NCK2: variants seen among roughly 807,000 people sequenced by gnomAD.
The protein encoded by NCK2 is NCK adaptor protein 2, also known as cytoplasmic protein NCK2.
NCK2 carries 16 observed loss-of-function variants against 33.9 expected under a neutral mutation model. The ratio of observed to expected loss-of-function variants is 0.47; its 90% CI spans 0.32 to 0.72. NCK2 has a LOEUF of 0.72. Among genes scored for constraint, NCK2 ranks in the 30% least tolerant of loss-of-function variants. The probability of loss-of-function intolerance (pLI) is 0.03; values close to 1 mark genes in which losing one functional copy is unlikely to be tolerated. For synonymous variants in NCK2, 273 were observed against 239.9 expected (o/e 1.14, Z -1.27); for missense variants, 418 against 537.3 (o/e 0.78, Z 2.19).
At chr2:105,818,562 A>T in intron 2 of NCK2, among the ~76,000 whole-genome samples, 1 of 151,934 alleles carries the variant, frequency 6.6e-6, no homozygotes, top group East Asian at 1.9e-4. Context: ...AAGATTGTTA[A>T]ATCAAGTATG....
At chr2:105,842,860 TG>T (rs1676701463) in intron 2 of NCK2, among the ~76,000 whole-genome samples, 1 of 132,258 alleles carries the variant, frequency 7.6e-6, no homozygotes, top group African/African-American at 2.9e-5. Context: ...GTGGACGCTG[TG>T]AGAAATATGA....
chr2:105,832,472 C>T (rs1310799964), intron 2 of NCK2, among the ~76,000 whole-genome samples: 1 of 152,128 alleles, frequency 6.6e-6, no homozygotes. Flanking sequence ...GTCGTTAAGG[C>T]TCGTATTACC....
chr2:105,876,404 C>T (rs1307060496), intron 3 of NCK2, among the ~76,000 whole-genome samples: 1 of 152,260 alleles, frequency 6.6e-6, no homozygotes, highest in Admixed American at 6.5e-5. Context: ...GAAGGATCCA[C>T]CTGGCCTGCA....
chr2:105,849,219 A>G (rs1676965845), intron 2 of NCK2, among the ~76,000 whole-genome samples: 1 of 152,104 alleles, frequency 6.6e-6, no homozygotes, highest in South Asian at 2.1e-4. Flanking sequence ...TTTGTAGATA[A>G]CCCCATATCT....
chr2:105,763,183 A>AC, intron 1 of NCK2, among the ~76,000 whole-genome samples: 1 of 152,102 alleles, frequency 6.6e-6, no homozygotes, highest in East Asian at 1.9e-4. Context: ...GGGCGACAGA[A>AC]CGAGACTCTT....
chr2:105,840,698 A>T (rs1676609781), intron 2 of NCK2, among the ~76,000 whole-genome samples: 1 of 152,218 alleles, frequency 6.6e-6, no homozygotes, highest in East Asian at 1.9e-4. Context: ...CTCAGGTTCA[A>T]TTAATTTGCT....
Position 105,866,922 on chromosome 2 carries a change from A to C in NCK2, c.226+11633A>C, listed in dbSNP as rs141205831. On this transcript the variant is annotated intron_variant, in intron 3 of 4. Transcript: ENST00000233154. ...ATTCTGTGAGTCATGTAAAAGGAGA[A>C]GCTGATTCTTTATGGTGCATTTGTC... 2.1e-3 allele frequency among the ~76,000 whole-genome samples: 321 copies of C among 152,330 alleles called. 1 individual carries two copies. The highest frequency in any genetic ancestry group is 6.7e-3 in the African/African-American group (280 of 41,570).
At position 105,771,164 on chromosome 2, in the gene NCK2, C is replaced by T. The variant is rs545860601; in HGVS notation, c.-201+26026C>T. Among the ~76,000 whole-genome samples the T allele has an allele frequency of 9.5e-4, 144 of 152,102 alleles. 1 individual carries two copies. Among genetic ancestry groups the T allele is most frequent in the African/African-American group, 3.2e-3 (133 of 41,512 alleles). On this transcript the variant is annotated intron_variant, in intron 1 of 4. Coordinates refer to ENST00000233154, the MANE Select transcript of NCK2 (RefSeq NM_003581.5). ...CTCTCGATCTCCTGACCTCGTGATC[C>T]GCCTGCCTTGGCCTCCCAAAGTGCT... is the stretch of plus-strand genomic sequence containing the variant.
intron 1 of NCK2, among the ~76,000 whole-genome samples, chr2:105,753,851 G>T (rs1689526996): frequency 6.6e-6 from 1 of 152,202 alleles, no homozygotes; most frequent in African/African-American, 2.4e-5. Flanking sequence ...GAATTCCAAG[G>T]TGGCTTTGAA....
Position 105,860,590 on chromosome 2 carries a change from G to A in NCK2, c.226+5301G>A, listed in dbSNP as rs114246299. Among the ~76,000 whole-genome samples the A allele has an allele frequency of 5.6e-3, 846 of 152,186 alleles. 4 individuals are homozygous for A. The highest frequency in any genetic ancestry group is 8.9e-3 in the Non-Finnish European group (606 of 68,010). On this transcript the variant is annotated intron_variant, in intron 3 of 4. Coordinates refer to ENST00000233154, the MANE Select transcript of NCK2 (RefSeq NM_003581.5). ...GCATGGGGAGGCCTTACTGGGCTGT[G>A]CACAGGACTCAAGCATCTCCACTGG...
At chr2:105,865,759 A>G (rs1677723551) in intron 3 of NCK2, among the ~76,000 whole-genome samples, 1 of 152,172 alleles carries the variant, frequency 6.6e-6, no homozygotes, top group Non-Finnish European at 1.5e-5. Context: ...CCGCTGCCGC[A>G]TGAGTCATCT....
chr2:105,874,988 A>G (rs891597722), intron 3 of NCK2, among the ~76,000 whole-genome samples: 1 of 152,208 alleles, frequency 6.6e-6, no homozygotes, highest in East Asian at 1.9e-4. Flanking sequence ...TTAAAATTAT[A>G]CTTTCTGTCT....
chr2:105,769,519 AC>A (rs1351010710), intron 1 of NCK2, among the ~76,000 whole-genome samples: 1 of 152,218 alleles, frequency 6.6e-6, no homozygotes, highest in Admixed American at 6.5e-5. Context: ...TTGTGACTCT[AC>A]TTATAATAAC....
chr2:105,780,326 A>G (rs1302187575), intron 1 of NCK2, among the ~76,000 whole-genome samples: 2 of 26,982 alleles, frequency 7.4e-5, no homozygotes, highest in Admixed American at 3.8e-4. Context: ...AGAGATATAT[A>G]CACACACACA....
intron 1 of NCK2, among the ~76,000 whole-genome samples, chr2:105,785,678 G>A (rs1690655375): frequency 6.6e-6 from 1 of 152,218 alleles, no homozygotes. Context: ...GGTATGCCCA[G>A]CCAGGGAGTC....
In NCK2 at chr2:105,855,287, T is replaced by G; in HGVS notation, c.224T>G (p.Leu75Arg). The change falls in exon 3 of 5, where the codon CTA becomes CGA. Residue 75 changes from leucine to arginine, a missense_variant and splice_region_variant. By Grantham distance (102) the Leu-to-Arg change is moderately radical. Transcript: ENST00000233154. ...GSLVKNLKDT[L>R]GLGKTRRKTS... ...CTCGTGAAGAACCTGAAGGACACAC[T>G]AGGTGAGTGTTTCACCCTCGAGAGA... is the stretch of plus-strand genomic sequence containing the variant. 1 of 1,592,872 alleles carries G rather than the reference T, an allele frequency of 6.3e-7. No individual in the cohort carries two copies. Among genetic ancestry groups the G allele is most frequent in the Non-Finnish European group, 8.6e-7 (1 of 1,166,526 alleles).
At chr2:105,778,610 C>A (rs1690387421) in intron 1 of NCK2, among the ~76,000 whole-genome samples, 1 of 152,186 alleles carries the variant, frequency 6.6e-6, no homozygotes, top group Non-Finnish European at 1.5e-5. Flanking sequence ...ACCAAAGGTG[C>A]CCCTATTAAC....
intron 1 of NCK2, among the ~76,000 whole-genome samples, chr2:105,783,345 C>A (rs1198297265): frequency 6.6e-6 from 1 of 152,194 alleles, no homozygotes; most frequent in Non-Finnish European, 1.5e-5. Flanking sequence ...GAGGAGACTT[C>A]CCTGAGCTTC....
intron 1 of NCK2, among the ~76,000 whole-genome samples, chr2:105,780,319 G>T (rs7589272): frequency 0.24 from 34,508 of 142,088 alleles, 5,567 homozygotes; most frequent in African/African-American, 0.49. Flanking sequence ...ATGGGAGAGA[G>T]ATATATACAC....
Sources: gnomAD v4.1 joint callset for allele counts (sites outside exome capture counted in the v4.1 genomes callset) on GRCh38, gnomAD v4.1.1 for gene constraint, MANE v1.5 for transcripts, NCBI Gene and HGNC (gene_info 2026-07-23, HGNC 2026-07-21) for gene names.